UBR3: variants seen among roughly 807,000 people sequenced by gnomAD.
UBR3 encodes ubiquitin protein ligase E3 component n-recognin 3, also known as E3 ubiquitin-protein ligase UBR3.
In UBR3, 85 loss-of-function variants were observed where a neutral mutation model predicts 243.2. That is an observed-to-expected ratio of 0.35 (90% CI 0.29 to 0.42). UBR3 has a LOEUF of 0.42. Among genes scored for constraint, UBR3 ranks in the 10% least tolerant of loss-of-function variants. The probability of loss-of-function intolerance (pLI) is 1.00; values close to 1 mark genes in which losing one functional copy is unlikely to be tolerated. For missense variants in UBR3, 1,686 were observed against 2,300.8 expected (o/e 0.73, Z 5.47); for synonymous variants, 748 against 799.8 (o/e 0.94, Z 1.09).
At chr2:169,852,688 C>CAAAAAAAAAA (rs34608160) in intron 1 of UBR3, among the ~76,000 whole-genome samples, 2 of 99,392 alleles carry the variant, frequency 2.0e-5, no homozygotes, top group South Asian at 5.6e-4. Context: ...ACTAAAAATA[C>CAAAAAAAAAA]AAAAAAAAAA....
intron 1 of UBR3, among the ~76,000 whole-genome samples, chr2:169,864,906 C>CAAAA (rs11336906): frequency 2.2e-3 from 137 of 63,154 alleles, no homozygotes; most frequent in East Asian, 3.1e-3. Context: ...GACTCCGTCT[C>CAAAA]AAAAAAAAAA....
At chr2:169,910,528 C>G (rs975940110) in intron 10 of UBR3, among the ~76,000 whole-genome samples, 2 of 152,054 alleles carry the variant, frequency 1.3e-5, no homozygotes, top group South Asian at 4.1e-4. Flanking sequence ...GCTAGAATTA[C>G]AATGCAGTAT....
In UBR3 at chr2:170,073,621, G is replaced by A; in HGVS notation, c.5199+14G>A. The A allele has an allele frequency of 5.0e-6, 8 of 1,611,692 alleles. No individual in the cohort carries two copies. Among genetic ancestry groups the A allele is most frequent in the Non-Finnish European group, 6.8e-6 (8 of 1,178,878 alleles). On this transcript the variant is annotated intron_variant, in intron 36 of 38. Transcript: ENST00000272793. ...GAACAAGGAAAGGTATGTTAAAAGA[G>A]TTGTACTAGCTTGTCACGGTGGTGA...
chr2:169,876,052 A>C, intron 3 of UBR3, 103 bp downstream of exon 3: 1 of 1,014,252 alleles, frequency 9.9e-7, no homozygotes, highest in Non-Finnish European at 1.3e-6. Context: ...ATTTTCATAG[A>C]ATGCTAAAGC....
intron 1 of UBR3, among the ~76,000 whole-genome samples, chr2:169,845,593 C>CT (rs1032856533): frequency 2.1e-4 from 28 of 131,566 alleles, no homozygotes; most frequent in Admixed American, 6.3e-4. Flanking sequence ...TCTTCTTTTT[C>CT]TTTTTTTTGA....
chr2:169,965,070 C>A (rs910506337), intron 24 of UBR3: 3 of 413,826 alleles, frequency 7.2e-6, no homozygotes, highest in Non-Finnish European at 1.5e-5. Context: ...TTATTTATAA[C>A]AGTCTCTTTC....
At chr2:170,067,718 G>A (rs955298282) in intron 35 of UBR3, among the ~76,000 whole-genome samples, 5 of 151,304 alleles carry the variant, frequency 3.3e-5, no homozygotes, top group African/African-American at 1.2e-4. Flanking sequence ...TCTGTGATAA[G>A]CATCATAATT....
chr2:170,050,959 T>C (rs1326633693), intron 32 of UBR3, among the ~76,000 whole-genome samples: 1 of 152,226 alleles, frequency 6.6e-6, no homozygotes, highest in Non-Finnish European at 1.5e-5. Flanking sequence ...GTCCCTTACA[T>C]AAAATGGTGT....
intron 31 of UBR3, among the ~76,000 whole-genome samples, chr2:170,030,400 C>CG (rs2090637231): frequency 6.6e-6 from 1 of 151,992 alleles, no homozygotes; most frequent in Admixed American, 6.6e-5. Flanking sequence ...TAGGCCATTT[C>CG]AGTGGACAGA....
chr2:170,026,934 CT>C (rs1158266195), intron 30 of UBR3, among the ~76,000 whole-genome samples: 1 of 151,864 alleles, frequency 6.6e-6, no homozygotes, highest in Non-Finnish European at 1.5e-5. Flanking sequence ...TTCAGTCTTA[CT>C]GATAAGACTA....
intron 1 of UBR3, among the ~76,000 whole-genome samples, chr2:169,837,884 A>G (rs549463801): frequency 6.6e-5 from 10 of 152,268 alleles, no homozygotes; most frequent in African/African-American, 2.4e-4. Context: ...TTTTTCCTCC[A>G]TTGATCTATA....
chr2:169,950,035 C>T lies in UBR3; in HGVS notation c.3515C>T (p.Ala1172Val). 3.8e-6 allele frequency: 6 copies of T among 1,575,280 alleles called. No individual in the cohort carries two copies. The highest frequency in any genetic ancestry group is 4.3e-6 in the Non-Finnish European group (5 of 1,164,848). The change falls in exon 23 of 39, where the codon GCA becomes GTA. Residue 1172 changes from alanine (A) to valine (V), a missense_variant. By Grantham distance (64) the Ala-to-Val change is moderately conservative (BLOSUM62 0). This residue lies in a region of UBR3 where 300 missense variants were observed against 314.4 expected (regional missense o/e 0.95). Coordinates refer to ENST00000272793, the MANE Select transcript of UBR3 (RefSeq NM_172070.4). ...GTACCACCTAAAAAAGTCACTGCAG[C>T]AGAGAAGAAAACATTGGACAAAGAA... ...PPVPPKKVTA[A>V]EKKTLDKEER...
intron 37 of UBR3, 56 bp downstream of exon 37, chr2:170,080,079 A>T (rs988724918): frequency 6.0e-6 from 9 of 1,499,760 alleles, no homozygotes; most frequent in Middle Eastern, 1.8e-4. Flanking sequence ...ATATCACAAA[A>T]TATGGTCAAG....
intron 32 of UBR3, among the ~76,000 whole-genome samples, chr2:170,048,984 T>G (rs993482877): frequency 1.3e-5 from 2 of 152,220 alleles, no homozygotes; most frequent in Non-Finnish European, 2.9e-5. Context: ...GTGTCTAATT[T>G]ATAAATTAAA....
intron 24 of UBR3, among the ~76,000 whole-genome samples, chr2:169,983,057 T>C (rs754940767): frequency 6.1e-5 from 9 of 146,976 alleles, no homozygotes; most frequent in Non-Finnish European, 1.1e-4. Flanking sequence ...CCTTGACTTA[T>C]TCTCATGGAG....
intron 23 of UBR3, among the ~76,000 whole-genome samples, chr2:169,956,669 A>G (rs1170843809): frequency 1.3e-5 from 2 of 152,220 alleles, no homozygotes; most frequent in Non-Finnish European, 2.9e-5. Flanking sequence ...TGGCAAAAAT[A>G]TGTAACTTCT....
At chr2:169,880,923 C>G (rs575357327) in intron 5 of UBR3, among the ~76,000 whole-genome samples, 5 of 152,244 alleles carry the variant, frequency 3.3e-5, no homozygotes, top group Non-Finnish European at 7.4e-5. Context: ...CATCCATGTT[C>G]ATTTCTCTTA....
At chr2:169,830,018 G>C (rs2081883097) in intron 1 of UBR3, among the ~76,000 whole-genome samples, 2 of 151,884 alleles carry the variant, frequency 1.3e-5, no homozygotes, top group African/African-American at 2.4e-5. Flanking sequence ...GGTTATCTTA[G>C]ATGTATTTTT....
At chr2:170,022,872 A>T (rs1378215164) in intron 30 of UBR3, among the ~76,000 whole-genome samples, 2 of 152,050 alleles carry the variant, frequency 1.3e-5, no homozygotes, top group Admixed American at 6.6e-5. Context: ...TGGGAACCAG[A>T]TCTACAGATG....
Sources: allele counts gnomAD v4.1 joint callset (sites outside exome capture counted in the v4.1 genomes callset), GRCh38; gene constraint gnomAD v4.1.1; regional missense constraint gnomAD v4.1.1; transcripts MANE v1.5; gene names NCBI Gene and HGNC (gene_info 2026-07-23, HGNC 2026-07-21).